Variants in YARS1 observed in about 807,000 individuals in gnomAD.
YARS1 encodes tyrosyl-tRNA synthetase 1.
A neutral mutation model predicts 62.2 loss-of-function variants in YARS1; 36 were observed. The observed-to-expected ratio is 0.58, with a 90% CI of 0.44 to 0.76. The LOEUF is 0.76. YARS1 is among the 30% of genes least tolerant of loss of function. The pLI, the probability that YARS1 is intolerant of heterozygous loss-of-function variation, is 0.00. For synonymous variants in YARS1, 234 were observed against 244.9 expected (o/e 0.96, Z 0.42); for missense variants, 524 against 639.8 (o/e 0.82, Z 1.95).
At chr1:32,787,687 G>C (rs773981537) in intron 6 of YARS1, among the ~76,000 whole-genome samples, 1 of 151,670 alleles carries the variant, frequency 6.6e-6, no homozygotes, top group Admixed American at 6.6e-5. Context: ...TTTTGTTTTT[G>C]TATTTTTAGT....
At chr1:32,815,766 T>C (rs1638701557) in intron 1 of YARS1, among the ~76,000 whole-genome samples, 1 of 151,452 alleles carries the variant, frequency 6.6e-6, no homozygotes. Context: ...AGGCTAGGAG[T>C]AGTGGGTAAT....
At position 32,802,683 on chromosome 1, in the gene YARS1, G is replaced by A. The variant is rs78433384; in HGVS notation, c.510+3799C>T. ...CACTGTCAATGAGCAGTAATGTTTTGAAAAGAATCTTTCTTTTTGAGGAGT... is the reference window on the plus strand; with the variant it reads ...CACTGTCAATGAGCAGTAATGTTTTAAAAAGAATCTTTCTTTTTGAGGAGT... On this transcript the variant is annotated intron_variant, in intron 4 of 12. Coordinates refer to ENST00000373477, the MANE Select transcript of YARS1 (RefSeq NM_003680.4). Among the ~76,000 whole-genome samples the A allele has an allele frequency of 8.5e-5, 13 of 152,286 alleles. No individual in the cohort carries two copies. In the East Asian group the frequency reaches 2.5e-3, roughly 29 times the overall value.
At chr1:32,782,879 C>A in intron 8 of YARS1, 1 of 322,052 alleles carries the variant, frequency 3.1e-6, no homozygotes. Context: ...TAACCCAAGG[C>A]CTAAAGATAA....
At chr1:32,778,184 CCTGCTGCTTT>C (rs1652931279) in intron 12 of YARS1, among the ~76,000 whole-genome samples, 1 of 152,150 alleles carries the variant, frequency 6.6e-6, no homozygotes, top group Non-Finnish European at 1.5e-5. Flanking sequence ...AGAGTCAACT[CCTGCTGCTTT>C]ATTCATTGAG....
At chr1:32,782,153 G>A (rs959081160) in intron 9 of YARS1, 19 of 562,798 alleles carry the variant, frequency 3.4e-5, no homozygotes, top group Middle Eastern at 4.9e-4. Context: ...CAGACTAGAA[G>A]GACCAAAGTA....
At chr1:32,788,494 G>A (rs191668296) in intron 6 of YARS1, among the ~76,000 whole-genome samples, 9 of 152,122 alleles carry the variant, frequency 5.9e-5, no homozygotes, top group Non-Finnish European at 1.0e-4. Flanking sequence ...ACAATGGCAT[G>A]ATCTCGACTC....
intron 6 of YARS1, among the ~76,000 whole-genome samples, chr1:32,788,893 T>TG (rs772978790): frequency 6.6e-6 from 1 of 152,116 alleles, no homozygotes; most frequent in Non-Finnish European, 1.5e-5. Flanking sequence ...GGCACAATCA[T>TG]GGCCCACTGC....
chr1:32,787,890 C>T (rs907263049), intron 6 of YARS1, among the ~76,000 whole-genome samples: 20 of 152,230 alleles, frequency 1.3e-4, no homozygotes, highest in Admixed American at 5.2e-4. Flanking sequence ...GCTGGAGAGT[C>T]GCTTGAGCCC....
At position 32,785,890 on chromosome 1, in the gene YARS1, C is replaced by CT. The variant is rs11344284; in HGVS notation, c.906+471dup. 4.3e-3 allele frequency among the ~76,000 whole-genome samples: 627 copies of CT among 146,460 alleles called. 4 individuals carry two copies. Among genetic ancestry groups the CT allele is most frequent in the African/African-American group, 0.014 (566 of 39,526 alleles). On this transcript the variant is annotated intron_variant, in intron 8 of 12. Coordinates refer to ENST00000373477, the MANE Select transcript of YARS1 (RefSeq NM_003680.4). Reference sequence around the variant, plus strand: ...TGAGCTGCTGCACCCAGCCCATTTTCTTTTTTTTTTTTTTTTTTAGTATCT... The same window carrying CT: ...TGAGCTGCTGCACCCAGCCCATTTTCTTTTTTTTTTTTTTTTTTTAGTATCT...
rs1454466741 is a variant in YARS1 at position 32,776,902 on chromosome 1, G to A, written c.1477-811C>T. On this transcript the variant is annotated intron_variant, in intron 12 of 12. Coordinates refer to ENST00000373477, the MANE Select transcript of YARS1 (RefSeq NM_003680.4). This position sits in a 1 kb window ranked among gnomAD's most constrained non-coding sequence, Gnocchi z 4.0. Reference sequence around the variant, plus strand: ...GAATCACTTGAACCTGAGAGGAGGAGGTTGTGGCGGGCCGAGATCACGCCA... The same window carrying A: ...GAATCACTTGAACCTGAGAGGAGGAAGTTGTGGCGGGCCGAGATCACGCCA... 1.3e-5 allele frequency among the ~76,000 whole-genome samples: 2 copies of A among 152,010 alleles called. No individual in the cohort carries two copies. The highest frequency in any genetic ancestry group is 2.9e-5 in the Non-Finnish European group (2 of 67,998).
rs1652867952 is a variant in YARS1 at position 32,776,595 on chromosome 1, TTATGCATGAAG to T, written c.1477-515_1477-505del. Among the ~76,000 whole-genome samples, 1 of 152,232 alleles carries T rather than the reference TTATGCATGAAG, an allele frequency of 6.6e-6. No homozygotes were observed. Among genetic ancestry groups the T allele is most frequent in the African/African-American group, 2.4e-5 (1 of 41,462 alleles). Reference sequence around the variant, plus strand: ...AGAAAATAAACCTAAGTGCAAAGGCTTATGCATGAAGACATCTGTCACATCTGTCACATCAT... The same window carrying T: ...AGAAAATAAACCTAAGTGCAAAGGCTACATCTGTCACATCTGTCACATCAT... On this transcript the variant is annotated intron_variant, in intron 12 of 12. Transcript: ENST00000373477. The surrounding 1 kb of genome is among the most constrained non-coding windows in gnomAD (Gnocchi z 4.0).
At chr1:32,795,472 G>A (rs1293528541) in intron 5 of YARS1, among the ~76,000 whole-genome samples, 1 of 152,032 alleles carries the variant, frequency 6.6e-6, no homozygotes, top group African/African-American at 2.4e-5. Context: ...GTAATCTCTA[G>A]GGCAGGGATG....
intron 4 of YARS1, among the ~76,000 whole-genome samples, chr1:32,800,903 C>T (rs978174079): frequency 3.9e-5 from 6 of 152,096 alleles, no homozygotes; most frequent in South Asian, 2.1e-4. Context: ...TCTCCTTGCT[C>T]GTACAAATAT....
chr1:32,804,631 G>C (rs181836825), intron 4 of YARS1, among the ~76,000 whole-genome samples: 2 of 151,568 alleles, frequency 1.3e-5, no homozygotes, highest in African/African-American at 4.8e-5. Context: ...TCACATCCCA[G>C]ACGGGGCGGC....
chr1:32,782,762 A>C lies in YARS1; in HGVS notation c.907-223T>G, dbSNP rs920618165. 1.8e-5 allele frequency: 11 copies of C among 595,054 alleles called. No homozygotes were observed. The African/African-American group carries it at 1.9e-4, about 10-fold the overall frequency. 36.9% of individuals were successfully genotyped at this position (595,054 alleles called of 1,614,324 possible). A position where few individuals can be genotyped will look rare whatever the true frequency, so the allele number is the denominator to read the frequency against. On this transcript the variant is annotated intron_variant, in intron 8 of 12. Coordinates refer to ENST00000373477, the MANE Select transcript of YARS1 (RefSeq NM_003680.4). ...AATCTATACTAACTTGAGGGTGTTT[A>C]GGAGCTGAATGTATTTGTTAGTCTA...
chr1:32,796,789 C>A (rs1429329029), intron 5 of YARS1, among the ~76,000 whole-genome samples: 1 of 149,916 alleles, frequency 6.7e-6, no homozygotes, highest in Non-Finnish European at 1.5e-5. Flanking sequence ...CATGGTGAAA[C>A]CCCATCTCTA....
intron 12 of YARS1, among the ~76,000 whole-genome samples, chr1:32,778,563 C>T (rs992383180): frequency 3.3e-5 from 5 of 151,674 alleles, no homozygotes; most frequent in East Asian, 1.9e-4. Context: ...TCTGCCACCG[C>T]GCCCGGCCGA....
intron 4 of YARS1, among the ~76,000 whole-genome samples, chr1:32,806,129 A>G (rs1638461129): frequency 6.6e-6 from 1 of 152,330 alleles, no homozygotes; most frequent in Middle Eastern, 3.4e-3. Context: ...CAGAACACAC[A>G]CAATACTTAT....
At chr1:32,788,980 A>T (rs534287688) in intron 6 of YARS1, among the ~76,000 whole-genome samples, 2 of 152,288 alleles carry the variant, frequency 1.3e-5, no homozygotes, top group South Asian at 4.1e-4. Flanking sequence ...GCATGCCACC[A>T]TGCCTAGCTA....
Sources: allele counts gnomAD v4.1 joint callset (sites outside exome capture counted in the v4.1 genomes callset), GRCh38; gene constraint gnomAD v4.1.1; non-coding constraint Gnocchi (gnomAD v3.1); transcripts MANE v1.5; gene names NCBI Gene and HGNC (gene_info 2026-07-23, HGNC 2026-07-21).